The following VPS13B variants were observed in gnomAD, a reference collection of about 807,000 sequenced individuals.
VPS13B encodes intermembrane lipid transfer protein VPS13B.
In VPS13B, 285 loss-of-function variants were observed where a neutral mutation model predicts 426.4. That is an observed-to-expected ratio of 0.67 (90% CI 0.61 to 0.74). The LOEUF (loss-of-function observed/expected upper bound fraction) is 0.74, where lower values mean the gene tolerates loss of function less well. VPS13B is among the 30% of genes least tolerant of loss of function. VPS13B has a pLI of 0.00. For synonymous variants in VPS13B, 1,676 were observed against 1,676.4 expected (o/e 1.00, Z 0.01); for missense variants, 4,537 against 4,782.6 (o/e 0.95, Z 1.51).
chr8:99,825,508 C>A (rs1814630589), intron 51 of VPS13B, among the ~76,000 whole-genome samples: 1 of 152,108 alleles, frequency 6.6e-6, no homozygotes, highest in African/African-American at 2.4e-5. Context: ...CAAAAATTTT[C>A]TTTCTGTAGG....
chr8:99,785,892 A>G (rs72676249), intron 43 of VPS13B, among the ~76,000 whole-genome samples: 5,774 of 152,298 alleles, frequency 0.038, 165 homozygotes, highest in Non-Finnish European at 0.057. Context: ...GAAGCCTCTG[A>G]GAAGCTGCAG....
At chr8:99,653,857 T>G (rs1165001665) in intron 34 of VPS13B, among the ~76,000 whole-genome samples, 1 of 151,920 alleles carries the variant, frequency 6.6e-6, no homozygotes, top group Non-Finnish European at 1.5e-5. Flanking sequence ...TCCCATCACA[T>G]CTTACGAGGT....
chr8:99,500,523 T>C (rs554825961), intron 25 of VPS13B, among the ~76,000 whole-genome samples: 2 of 152,188 alleles, frequency 1.3e-5, no homozygotes, highest in South Asian at 4.1e-4. Flanking sequence ...TACAGAGGAG[T>C]GTACAGTTAA....
At position 99,552,143 on chromosome 8, in the gene VPS13B, A is replaced by T. The variant is rs143835240; in HGVS notation, c.4746-4307A>T. ...TTCACTATCACTTTAGCTGGGCTTA[A>T]TCTGCTTGAGTTTTATTTTTTTTCT... On this transcript the variant is annotated intron_variant, in intron 30 of 61. Coordinates refer to ENST00000357162, the MANE Select transcript of VPS13B (RefSeq NM_152564.5). 4.9e-3 allele frequency among the ~76,000 whole-genome samples: 746 copies of T among 151,966 alleles called. 6 individuals carry two copies. Among genetic ancestry groups the T allele is most frequent in the African/African-American group, 0.017 (700 of 41,496 alleles).
At chr8:99,100,743 T>C (rs1414712284) in intron 4 of VPS13B, among the ~76,000 whole-genome samples, 1 of 152,086 alleles carries the variant, frequency 6.6e-6, no homozygotes, top group Non-Finnish European at 1.5e-5. Flanking sequence ...CTTACGTGGT[T>C]TTTAAGAGTA....
chr8:99,341,651 G>A (rs952308177), intron 19 of VPS13B: 6 of 295,120 alleles, frequency 2.0e-5, no homozygotes, highest in Admixed American at 1.0e-4. Context: ...TACAGTGTAC[G>A]TGATCTTTGG....
At chr8:99,446,883 GT>G (rs1380488976) in intron 23 of VPS13B, among the ~76,000 whole-genome samples, 29 of 152,126 alleles carry the variant, frequency 1.9e-4, no homozygotes, top group African/African-American at 7.0e-4. Context: ...CCGCAAATTA[GT>G]TTTCCTGTTT....
intron 34 of VPS13B, among the ~76,000 whole-genome samples, chr8:99,653,078 A>C (rs559298041): frequency 3.5e-4 from 53 of 152,294 alleles, no homozygotes; most frequent in Non-Finnish European, 5.9e-4. Context: ...GCAAACAGCT[A>C]AATTTCTTGG....
intron 19 of VPS13B, among the ~76,000 whole-genome samples, chr8:99,349,350 A>AAAAAAG (rs1563681447): frequency 5.7e-4 from 84 of 147,548 alleles, no homozygotes; most frequent in African/African-American, 2.1e-3. Flanking sequence ...AAAAAAAAAA[A>AAAAAAG]AAAAAGAAAA....
chr8:99,179,555 C>G (rs10808361), intron 16 of VPS13B, among the ~76,000 whole-genome samples: 41,703 of 152,066 alleles, frequency 0.27, 6,377 homozygotes, highest in East Asian at 0.43. Context: ...CCAGATGCTA[C>G]TCCAGTTGAT....
intron 43 of VPS13B, among the ~76,000 whole-genome samples, chr8:99,793,007 A>G (rs1050062061): frequency 2.0e-5 from 3 of 150,832 alleles, no homozygotes; most frequent in Non-Finnish European, 4.4e-5. Flanking sequence ...AGTGTTAAAG[A>G]GCAGCCTGGG....
chr8:99,605,467 T>C (rs1040507769), intron 33 of VPS13B, among the ~76,000 whole-genome samples: 2 of 152,242 alleles, frequency 1.3e-5, no homozygotes, highest in Admixed American at 6.5e-5. Flanking sequence ...TAATCCTAGA[T>C]ATAATCATTT....
At chr8:99,074,991 C>T (rs1845043807) in intron 3 of VPS13B, among the ~76,000 whole-genome samples, 1 of 151,962 alleles carries the variant, frequency 6.6e-6, no homozygotes, top group Non-Finnish European at 1.5e-5. Flanking sequence ...TAGAGTAATC[C>T]TGGCCTTGTA....
chr8:99,629,653 T>A (rs899780243), intron 33 of VPS13B, among the ~76,000 whole-genome samples: 2 of 152,110 alleles, frequency 1.3e-5, no homozygotes, highest in African/African-American at 4.8e-5. Flanking sequence ...AGTTCCAGAA[T>A]GGAGACTTTG....
intron 25 of VPS13B, among the ~76,000 whole-genome samples, chr8:99,491,813 C>T (rs980495550): frequency 9.9e-5 from 15 of 152,130 alleles, no homozygotes; most frequent in African/African-American, 1.4e-4. Context: ...CGAACATGCT[C>T]GTTTTGCTCG....
chr8:99,081,031 A>G lies in VPS13B; in HGVS notation c.292-15281A>G, dbSNP rs934928285. Among the ~76,000 whole-genome samples, 7 of 152,076 alleles carry G rather than the reference A, an allele frequency of 4.6e-5. No individual in the cohort carries two copies. The South Asian group carries it at 6.2e-4, about 13-fold the overall frequency. On this transcript the variant is annotated intron_variant, in intron 3 of 61. Transcript: ENST00000357162. ...CAAAGCATTGCTTATTTCGTTTTTC[A>G]TGAGGTTTGTTTACTTCTGACACCC...
intron 36 of VPS13B, among the ~76,000 whole-genome samples, chr8:99,704,587 A>G (rs1832420704): frequency 1.3e-5 from 2 of 152,216 alleles, no homozygotes; most frequent in African/African-American, 4.8e-5. Flanking sequence ...CTAATGCCTG[A>G]ACAATAGGAA....
intron 2 of VPS13B, among the ~76,000 whole-genome samples, chr8:99,022,033 T>A (rs551663968): frequency 6.6e-6 from 1 of 152,276 alleles, no homozygotes; most frequent in East Asian, 1.9e-4. Context: ...TGCTAGGGTC[T>A]TATTAATTTT....
chr8:99,604,495 GTTTTTTTTTT>G (rs767971168), intron 33 of VPS13B, among the ~76,000 whole-genome samples: 121 of 115,288 alleles, frequency 1.0e-3, no homozygotes, highest in African/African-American at 3.7e-3. Flanking sequence ...TTTCCTTGGT[GTTTTTTTTTT>G]TTTTTTTTTT....
Sources: gnomAD v4.1 joint callset for allele counts (sites outside exome capture counted in the v4.1 genomes callset) on GRCh38, gnomAD v4.1.1 for gene constraint, MANE v1.5 for transcripts, NCBI Gene and HGNC (gene_info 2026-07-23, HGNC 2026-07-21) for gene names.